METTL3: variants seen among roughly 807,000 people sequenced by gnomAD.
The protein encoded by METTL3 is N(6)-adenosine-methyltransferase catalytic subunit METTL3.
In METTL3, 42 loss-of-function variants were observed where a neutral mutation model predicts 64.3. The observed-to-expected ratio is 0.65, with a 90% CI of 0.51 to 0.84. The LOEUF (loss-of-function observed/expected upper bound fraction) is 0.84, where lower values mean the gene tolerates loss of function less well. Among genes scored for constraint, METTL3 ranks in the 40% least tolerant of loss-of-function variants. The probability of loss-of-function intolerance (pLI) is 0.00; values close to 1 mark genes in which losing one functional copy is unlikely to be tolerated. For synonymous variants in METTL3, 256 were observed against 263.6 expected, an observed-to-expected ratio of 0.97 and a Z score of 0.28; for missense variants, 435 against 722.3, an observed-to-expected ratio of 0.60 and a Z score of 4.56.
chr14:21,501,211 CTA>C, intron 4 of METTL3, 82 bp from the exon 5 acceptor site: 1 of 1,069,126 alleles, frequency 9.4e-7, no homozygotes, highest in South Asian at 1.5e-5. Context: ...TTCAAAATGT[CTA>C]TTTTATTACC....
chr14:21,498,648 A>T, intron 10 of METTL3: 1 of 507,264 alleles, frequency 2.0e-6, no homozygotes, highest in Non-Finnish European at 3.5e-6. Context: ...TATTCTTTGG[A>T]TAAGCAAAAT....
intron 1 of METTL3, 154 bp from the exon 2 acceptor site, chr14:21,504,035 A>G (rs1891638002): frequency 1.6e-5 from 10 of 637,170 alleles, no homozygotes; most frequent in South Asian, 1.2e-4. Flanking sequence ...CCTATCCTCA[A>G]TCATACTAAA....
chr14:21,499,279 A>G (rs939768765), intron 9 of METTL3, 27 bp downstream of exon 9: 2 of 1,613,892 alleles, frequency 1.2e-6, no homozygotes, highest in Non-Finnish European at 1.7e-6. Flanking sequence ...AAAATGTGGA[A>G]GCTTTGGAGG....
intron 1 of METTL3, among the ~76,000 whole-genome samples, chr14:21,510,083 A>G (rs1891796368): frequency 6.6e-6 from 1 of 152,128 alleles, no homozygotes. Context: ...CAGACTGTAG[A>G]TTCATTCATT....
chr14:21,501,986 TTAA>T, intron 3 of METTL3, 83 bp from the exon 4 acceptor site: 1 of 1,152,236 alleles, frequency 8.7e-7, no homozygotes, highest in Non-Finnish European at 1.3e-6. Context: ...CTTTTTGACA[TTAA>T]TGTCTTCTAA....
Position 21,499,026 on chromosome 14 carries a change from A to AG in METTL3, c.1629dup (p.Trp544LeufsTer33). 1 of 1,610,186 alleles carries AG rather than the reference A, an allele frequency of 6.2e-7. No homozygotes were observed. On this transcript the variant is annotated frameshift_variant and splice_region_variant, in exon 10 of 11. Transcript: ENST00000298717. LOFTEE classifies it high-confidence loss of function. ...TAGCCTGTTCTCTGGTCACCTTACC[A>AG]GTTGGGTTGCACATTGTGTGGTCGT...
intron 1 of METTL3, chr14:21,510,861 A>C: frequency 2.2e-6 from 1 of 449,608 alleles, no homozygotes; most frequent in Non-Finnish European, 4.0e-6. Context: ...TCTGAAGAGG[A>C]GTGGGCAAGG....
In METTL3 at chr14:21,503,368, C is replaced by G. The variant is rs568264214; in HGVS notation, c.528G>C (p.Gln176His). ...PGEVAGTVTG[Q>H]KRRAEQDSTT... ...TCGAGTCCTGTTCTGCACGCCGCTT[C>G]TGCCCTGTGACAGTCCCTGCTACCT... The change falls in exon 3 of 11, where the codon CAG (glutamine) becomes CAC (histidine). Residue 176 changes from glutamine (Q) to histidine (H), a missense_variant. Transcript: ENST00000298717. The G allele has an allele frequency of 1.2e-6, 2 of 1,614,224 alleles. No homozygotes were observed. The highest frequency in any genetic ancestry group is 2.2e-5 in the South Asian group (2 of 91,088).
Position 21,503,362 on chromosome 14 carries a change from C to A in METTL3, c.534G>T (p.Arg178=). 6.2e-7 allele frequency: 1 copy of A among 1,614,184 alleles called. No individual in the cohort carries two copies. The highest frequency in any genetic ancestry group is 8.5e-7 in the Non-Finnish European group (1 of 1,180,028). Residue 178 remains arginine, a synonymous_variant, in exon 3 of 11, where the codon CGG becomes CGT. Transcript: ENST00000298717. ...EVAGTVTGQK[R]RAEQDSTTVA... The stretch of plus-strand genomic sequence containing the variant: ...CTGTAGTCGAGTCCTGTTCTGCACG[C>A]CGCTTCTGCCCTGTGACAGTCCCTG...
intron 1 of METTL3, among the ~76,000 whole-genome samples, chr14:21,506,981 A>C (rs749756155): frequency 6.6e-6 from 1 of 152,052 alleles, no homozygotes; most frequent in African/African-American, 2.4e-5. Context: ...GAGTTTCACC[A>C]TGTTGGCCAG....
intron 9 of METTL3, 65 bp from the exon 10 acceptor site, chr14:21,499,202 T>C (rs999022915): frequency 2.5e-6 from 4 of 1,581,220 alleles, no homozygotes; most frequent in Non-Finnish European, 3.5e-6. Flanking sequence ...CTTTCTATTA[T>C]GTTTATGATC....
Position 21,511,323 on chromosome 14 carries a change from G to A in METTL3, c.-100C>T, listed in dbSNP as rs1891834593. 2 of 1,481,042 alleles carry A rather than the reference G, an allele frequency of 1.4e-6. No individual in the cohort carries two copies. The highest frequency in any genetic ancestry group is 2.5e-5 in the Admixed American group (1 of 40,170). 91.7% of individuals were successfully genotyped at this position (1,481,042 alleles called of 1,614,324 possible). ...TAGCCAATTCTCACGCGGACACCCCGAAGGCTAACCGGAAAATGACCCCTG... is the reference window on the plus strand; with the variant it reads ...TAGCCAATTCTCACGCGGACACCCCAAAGGCTAACCGGAAAATGACCCCTG... On this transcript the variant is annotated 5_prime_UTR_variant, in exon 1 of 11. Coordinates refer to ENST00000298717, the MANE Select transcript of METTL3 (RefSeq NM_019852.5).
rs1891506946 is a variant in METTL3 at position 21,499,662 on chromosome 14, A to T, written c.1344-62T>A. ...ACTTTTACAGTTTAGGGGTAGTACC[A>T]TTTATAGAAGCAAGGAATCACAGAA... On this transcript the variant is annotated intron_variant, in intron 7 of 10. Coordinates refer to ENST00000298717, the MANE Select transcript of METTL3 (RefSeq NM_019852.5). 3 of 1,582,068 alleles carry T rather than the reference A, an allele frequency of 1.9e-6. No individual in the cohort carries two copies. In the African/African-American group the frequency reaches 4.0e-5, roughly 21 times the overall value.
chr14:21,509,658 T>C (rs1891781841), intron 1 of METTL3: 3 of 151,134 alleles, frequency 2.0e-5, no homozygotes, highest in Admixed American at 2.0e-4. Flanking sequence ...CCGGGAGGAC[T>C]GCTACACTCC....
intron 1 of METTL3, among the ~76,000 whole-genome samples, chr14:21,505,922 A>C (rs1891686064): frequency 6.6e-6 from 1 of 152,220 alleles, no homozygotes; most frequent in African/African-American, 2.4e-5. Flanking sequence ...TGGTCTGATT[A>C]CAAATTTGCT....
chr14:21,501,916 T>C lies in METTL3; in HGVS notation c.724-13A>G. ...TCTCCTGACTGACCTGTGACAGAAG[T>C]AGCCTTGGACTTAAAATGTCTTATA... is the stretch of plus-strand genomic sequence containing the variant. On this transcript the variant is annotated splice_polypyrimidine_tract_variant and intron_variant, in intron 3 of 10. Coordinates refer to ENST00000298717, the MANE Select transcript of METTL3 (RefSeq NM_019852.5). The C allele has an allele frequency of 2.5e-6, 4 of 1,613,122 alleles. No homozygotes were observed. The highest frequency in any genetic ancestry group is 3.4e-6 in the Non-Finnish European group (4 of 1,179,330).
At chr14:21,508,907 ATAAG>A (rs1891762760) in intron 1 of METTL3, among the ~76,000 whole-genome samples, 1 of 152,220 alleles carries the variant, frequency 6.6e-6, no homozygotes, top group African/African-American at 2.4e-5. Context: ...AAATAAATAA[ATAAG>A]TATGATGAGG....
chr14:21,503,935 A>G (rs545563775), intron 1 of METTL3, 54 bp from the exon 2 acceptor site: 33 of 1,531,546 alleles, frequency 2.2e-5, no homozygotes, highest in Non-Finnish European at 2.7e-5. Flanking sequence ...TGGTCTATAT[A>G]TTTCTGAGAA....
At position 21,499,084 on chromosome 14, in the gene METTL3, T is replaced by C. The variant is rs754238831; in HGVS notation, c.1572A>G (p.Leu524=). ...ACTCAATCTTGCGAGTGCCAGGAGA[T>C]AGTCTTTCAATCATGCCATAGATTT... ...PDEIYGMIER[L]SPGTRKIELF... Residue 524 remains leucine (L), a synonymous_variant, in exon 10 of 11, where the codon CTA becomes CTG. Transcript: ENST00000298717. 9 of 1,614,172 alleles carry C rather than the reference T, an allele frequency of 5.6e-6. No individual in the cohort carries two copies. Among genetic ancestry groups the C allele is most frequent in the Middle Eastern group, 1.6e-4 (1 of 6,062 alleles).
Sources: allele counts gnomAD v4.1 joint callset (sites outside exome capture counted in the v4.1 genomes callset), GRCh38; gene constraint gnomAD v4.1.1; transcripts MANE v1.5; gene names NCBI Gene and HGNC (gene_info 2026-07-23, HGNC 2026-07-21).